Variants in COL12A1 observed in about 807,000 individuals in gnomAD.
The protein encoded by COL12A1 is collagen alpha-1(XII) chain.
A neutral mutation model predicts 349.7 loss-of-function variants in COL12A1; 114 were observed. The ratio of observed to expected loss-of-function variants is 0.33; its 90% confidence interval spans 0.28 to 0.38. The LOEUF (loss-of-function observed/expected upper bound fraction) is 0.38, where lower values mean the gene tolerates loss of function less well. COL12A1 is among the 10% of genes least tolerant of loss of function. The pLI is 1.00. For missense variants in COL12A1, 3,284 were observed against 3,756.9 expected (o/e 0.87, Z 3.29); for synonymous variants, 1,369 against 1,329.0 (o/e 1.03, Z -0.66).
Position 75,188,438 on chromosome 6 carries a change from A to T in COL12A1, c.921T>A (p.Asp307Glu), listed in dbSNP as rs1187752190. The part of the protein sequence containing the change: ...FNVANFDAIV[D>E]IQNEIISQVC... ...CCTGGGAGATGATCTCATTCTGAAT[A>T]TCCACAATTGCATCAAAGTTGGCCA... The change falls in exon 8 of 66, where the codon GAT becomes GAA. Residue 307 changes from aspartate to glutamate, a missense_variant. By Grantham distance (45) the Asp-to-Glu change is conservative. Coordinates refer to ENST00000322507, the MANE Select transcript of COL12A1 (RefSeq NM_004370.6). 1.2e-6 allele frequency: 2 copies of T among 1,613,540 alleles called. No homozygotes were observed. Among genetic ancestry groups the T allele is most frequent in the Admixed American group, 3.3e-5 (2 of 59,940 alleles).
rs754014025 is a variant in COL12A1 at position 75,165,797 on chromosome 6, A to G, written c.2711-18T>C. ...ACCACGTTCTAGAACAGAAATTAAA[A>G]GGGAATCTTTTTTAAAAATGTCTAG... On this transcript the variant is annotated intron_variant, in intron 13 of 65. Coordinates refer to ENST00000322507, the MANE Select transcript of COL12A1 (RefSeq NM_004370.6). 2 of 1,606,564 alleles carry G rather than the reference A, an allele frequency of 1.2e-6. No homozygotes were observed. The highest frequency in any genetic ancestry group is 1.1e-5 in the South Asian group (1 of 89,940).
chr6:75,154,675 G>A (rs1052231633), intron 16 of COL12A1, 138 bp from the exon 17 acceptor site: 3 of 808,316 alleles, frequency 3.7e-6, no homozygotes, highest in Non-Finnish European at 5.2e-6. Context: ...AACATTATAA[G>A]AGAAGAAAAA....
In COL12A1 at chr6:75,177,875, G is replaced by A. The variant is rs765784708; in HGVS notation, c.2225C>T (p.Thr742Ile). The change falls in exon 12 of 66, where the codon ACT becomes ATT. Residue 742 changes from threonine to isoleucine, a missense_variant. This residue lies in a region of COL12A1 where 2,601 missense variants were observed against 2,824.8 expected (regional missense o/e 0.92). Coordinates refer to ENST00000322507, the MANE Select transcript of COL12A1 (RefSeq NM_004370.6). ...AACTCTCCCTGGAGCTTGAGTCCAA[G>A]TAATTTTGAAACTATCTGTAGTCTC... ...TDETTDSFKI[T>I]WTQAPGRVLR... The A allele has an allele frequency of 2.5e-6, 4 of 1,613,630 alleles. No individual in the cohort carries two copies. Among genetic ancestry groups the A allele is most frequent in the Non-Finnish European group, 3.4e-6 (4 of 1,180,014 alleles).
At chr6:75,164,834 TA>T (rs1768203707) in intron 14 of COL12A1, among the ~76,000 whole-genome samples, 1 of 149,990 alleles carries the variant, frequency 6.7e-6, no homozygotes, top group Admixed American at 6.6e-5. Context: ...AATTCATAAT[TA>T]TTTACAAAAA....
At chr6:75,123,442 G>A (rs1765848692) in intron 42 of COL12A1, 38 bp from the exon 43 acceptor site, 1 of 1,453,916 alleles carries the variant, frequency 6.9e-7, no homozygotes, top group Non-Finnish European at 9.3e-7. Context: ...AACACACCAT[G>A]TGCACATTTG....
rs1263935505 is a variant in COL12A1, at chr6:75,137,471, T to C, written c.5360A>G (p.Tyr1787Cys). The change falls in exon 31 of 66, where the codon TAT becomes TGT. Residue 1787 changes from tyrosine (Y) to cysteine (C), a missense_variant. Tyr to Cys is a radical substitution (Grantham distance 194, BLOSUM62 -2). Transcript: ENST00000322507. ...SGRVQKYRIT[Y>C]QPSTGEGNEQ... The stretch of plus-strand genomic sequence containing the variant: ...ATTGCCTTCCCCTGTGGAAGGCTGA[T>C]AAGTGATCCTATATTTCTGCACACG... The C allele has an allele frequency of 2.5e-6, 4 of 1,613,410 alleles. No homozygotes were observed. The highest frequency in any genetic ancestry group is 1.1e-5 in the South Asian group (1 of 90,900).
chr6:75,132,222 C>A (rs1766337857), intron 34 of COL12A1, 140 bp from the exon 35 acceptor site: 1 of 1,119,276 alleles, frequency 8.9e-7, no homozygotes, highest in Non-Finnish European at 1.2e-6. Flanking sequence ...CACACAAAGG[C>A]AGATTAAAAC....
At chr6:75,115,282 A>G (rs1373034539) in intron 49 of COL12A1, among the ~76,000 whole-genome samples, 1 of 152,168 alleles carries the variant, frequency 6.6e-6, no homozygotes, top group Non-Finnish European at 1.5e-5. Flanking sequence ...AGGTGCAAAC[A>G]TTCATGAAGT....
rs1161316875 is a variant in COL12A1, at chr6:75,188,475, T to C, written c.884A>G (p.His295Arg). 1.2e-6 allele frequency: 2 copies of C among 1,613,598 alleles called. No individual in the cohort carries two copies. The highest frequency in any genetic ancestry group is 4.5e-5 in the East Asian group (2 of 44,866). Residue 295 changes from histidine (H) to arginine (R), a missense_variant, in exon 8 of 66, where the codon CAT becomes CGT. Physicochemically the swap from His to Arg is conservative, Grantham distance 29. Around this residue, in one of 2 missense-constraint regions of COL12A1, gnomAD observed 2,601 missense variants for 2,824.8 expected, o/e 0.92. Coordinates refer to ENST00000322507, the MANE Select transcript of COL12A1 (RefSeq NM_004370.6). ...ATCAAAGTTGGCCACATTGAAAACA[T>C]GGTTCAGTGAAGGTGTGGAGGCAAT... Reference protein sequence around the residue: ...KQIASTPSLNHVFNVANFDAI... With the variant: ...KQIASTPSLNRVFNVANFDAI...
rs563211131 is a variant in COL12A1, at chr6:75,151,247, T to G, written c.4041A>C (p.Ala1347=). 3 of 1,613,404 alleles carry G rather than the reference T, an allele frequency of 1.9e-6. No individual in the cohort carries two copies. The highest frequency in any genetic ancestry group is 1.7e-6 in the Non-Finnish European group (2 of 1,179,500). Residue 1347 remains alanine (A), a synonymous_variant, in exon 21 of 66, where the codon GCA becomes GCC. Coordinates refer to ENST00000322507, the MANE Select transcript of COL12A1 (RefSeq NM_004370.6). ...NADEVELKMI[A]TDPDDTHAYN... is the part of the protein sequence containing the mutation. ...ATGCATGGGTATCATCAGGATCAGT[T>G]GCAATCATCTTTAATTCGACTTCAT... is the stretch of plus-strand genomic sequence containing the variant.
chr6:75,118,486 T>C (rs1454555586), intron 46 of COL12A1, among the ~76,000 whole-genome samples: 1 of 152,216 alleles, frequency 6.6e-6, no homozygotes, highest in Non-Finnish European at 1.5e-5. Context: ...ATGCAAGTAC[T>C]GGAAAGATCT....
chr6:75,205,172 G>C (rs903649109), intron 1 of COL12A1, among the ~76,000 whole-genome samples: 1 of 150,656 alleles, frequency 6.6e-6, no homozygotes, highest in African/African-American at 2.4e-5. Context: ...CCCGGAGCTG[G>C]GAAAAGTCCG....
At chr6:75,092,696 G>C (rs891303731) in intron 60 of COL12A1, among the ~76,000 whole-genome samples, 1 of 151,010 alleles carries the variant, frequency 6.6e-6, no homozygotes, top group Non-Finnish European at 1.5e-5. Flanking sequence ...CTACATTATA[G>C]TCTATTCTCC....
intron 42 of COL12A1, among the ~76,000 whole-genome samples, 170 bp downstream of exon 42, chr6:75,123,778 A>G (rs1765863480): frequency 6.6e-6 from 1 of 152,178 alleles, no homozygotes. Context: ...TTGCTACAGA[A>G]AAAGGTCCTG....
chr6:75,182,950 G>T, intron 10 of COL12A1, 100 bp downstream of exon 10: 1 of 1,387,474 alleles, frequency 7.2e-7, no homozygotes, highest in Non-Finnish European at 9.6e-7. Context: ...TTACTTTTTC[G>T]TGTCTATAAG....
intron 37 of COL12A1, 22 bp downstream of exon 37, chr6:75,130,069 A>G (rs1766225512): frequency 6.2e-7 from 1 of 1,611,188 alleles, no homozygotes; most frequent in African/African-American, 1.3e-5. Context: ...AAAATGTGCC[A>G]ATAAATGAGT....
chr6:75,097,879 A>G (rs1768129411), intron 58 of COL12A1, among the ~76,000 whole-genome samples: 1 of 152,136 alleles, frequency 6.6e-6, no homozygotes, highest in South Asian at 2.1e-4. Context: ...CTCTTCCATC[A>G]TATCAGCACC....
intron 13 of COL12A1, among the ~76,000 whole-genome samples, chr6:75,173,544 T>G (rs1197222462): frequency 6.6e-6 from 1 of 152,146 alleles, no homozygotes; most frequent in Non-Finnish European, 1.5e-5. Context: ...GCACAGCTAA[T>G]TTTTGTATTT....
intron 31 of COL12A1, 66 bp downstream of exon 31, chr6:75,137,371 G>A (rs1766669210): frequency 1.4e-6 from 2 of 1,414,724 alleles, no homozygotes; most frequent in Non-Finnish European, 1.9e-6. Flanking sequence ...AAGCACTGAG[G>A]GGGAAAAAGA....
Sources: gnomAD v4.1 joint callset for allele counts (sites outside exome capture counted in the v4.1 genomes callset) on GRCh38, gnomAD v4.1.1 for gene constraint, gnomAD v4.1.1 regional missense constraint, MANE v1.5 for transcripts, NCBI Gene and HGNC (gene_info 2026-07-23, HGNC 2026-07-21) for gene names.